Variants in NCOA1 observed in about 807,000 individuals in gnomAD.
NCOA1 encodes the protein Hin-2 protein.
NCOA1 carries 35 observed loss-of-function variants against 150.9 expected under a neutral mutation model. That is an observed-to-expected ratio of 0.23 (90% CI 0.18 to 0.31). The LOEUF is 0.31. NCOA1 is among the 10% of genes least tolerant of loss of function. The pLI, the probability that NCOA1 is intolerant of heterozygous loss-of-function variation, is 1.00. For missense variants in NCOA1, 1,491 were observed against 1,749.3 expected (o/e 0.85, Z 2.63); for synonymous variants, 590 against 630.0 (o/e 0.94, Z 0.95).
At chr2:24,724,090 GTTTTGT>G (rs1221403334) in intron 14 of NCOA1, among the ~76,000 whole-genome samples, 1 of 149,672 alleles carries the variant, frequency 6.7e-6, no homozygotes, top group Non-Finnish European at 1.5e-5. Flanking sequence ...TTTTTGTTTT[GTTTTGT>G]TTTGTTTTGT....
chr2:24,693,434 G>A, intron 10 of NCOA1, 87 bp downstream of exon 10: 1 of 1,181,812 alleles, frequency 8.5e-7, no homozygotes, highest in South Asian at 1.2e-5. Flanking sequence ...ATGTCTTTCT[G>A]TTCTATGAGA....
rs1408245405 is a variant in NCOA1 at position 24,707,914 on chromosome 2, T to A, written c.2418+26T>A. On this transcript the variant is annotated intron_variant, in intron 13 of 22. Coordinates refer to ENST00000348332, the MANE Select transcript of NCOA1 (RefSeq NM_003743.5). ...GTGGGTAACTGCTTGCTTCACAGAA[T>A]GGTCATTCTTAGTAATTTTTTTTTT... 3 of 1,556,128 alleles carry A rather than the reference T, an allele frequency of 1.9e-6. No homozygotes were observed. In the South Asian group the frequency reaches 3.7e-5, roughly 19 times the overall value.
chr2:24,527,091 C>CT (rs987436279), intron 1 of NCOA1, among the ~76,000 whole-genome samples: 4 of 152,086 alleles, frequency 2.6e-5, no homozygotes, highest in Admixed American at 2.0e-4. Flanking sequence ...TGAGGAATGA[C>CT]TATATAGTAA....
chr2:24,711,471 A>C (rs56025929), intron 14 of NCOA1: 165 of 164,322 alleles, frequency 1.0e-3, no homozygotes, highest in Non-Finnish European at 1.4e-3. Context: ...CAGAAATAAA[A>C]GATTCTGTAC....
intron 2 of NCOA1, among the ~76,000 whole-genome samples, chr2:24,565,216 A>G (rs910408323): frequency 1.1e-4 from 17 of 152,260 alleles, no homozygotes; most frequent in African/African-American, 3.9e-4. Flanking sequence ...AACAGAAAGC[A>G]AAAACAAAAA....
intron 1 of NCOA1, among the ~76,000 whole-genome samples, chr2:24,516,931 T>TATATATATAC (rs1558758334): frequency 3.4e-5 from 2 of 59,552 alleles, no homozygotes; most frequent in Non-Finnish European, 4.6e-5. Context: ...TGCGCGCGTG[T>TATATATATAC]GTATATATAT....
chr2:24,614,199 CTTTTTTTTTTTTTTTTTT>C (rs869113477), intron 3 of NCOA1, among the ~76,000 whole-genome samples: 7 of 9,158 alleles, frequency 7.6e-4, no homozygotes, highest in Admixed American at 3.7e-3. Context: ...CATTTCCATT[CTTTTTTTTTTTTTTTTTT>C]TTTTTTTTTT....
intron 7 of NCOA1, among the ~76,000 whole-genome samples, chr2:24,677,098 C>G (rs551877866): frequency 6.6e-6 from 1 of 152,252 alleles, no homozygotes; most frequent in Non-Finnish European, 1.5e-5. Context: ...AATCCCAGCA[C>G]TTTGGGAGGC....
intron 22 of NCOA1, among the ~76,000 whole-genome samples, chr2:24,766,635 A>G (rs1412527799): frequency 1.3e-5 from 2 of 152,126 alleles, no homozygotes; most frequent in South Asian, 2.1e-4. Context: ...CAGGAAGAGA[A>G]CAGAGGAGTG....
At chr2:24,716,193 CA>C (rs1418485287) in intron 14 of NCOA1, among the ~76,000 whole-genome samples, 28 of 135,438 alleles carry the variant, frequency 2.1e-4, no homozygotes, top group South Asian at 9.6e-4. Context: ...TAAAATTTGA[CA>C]AGCTTTTTCT....
intron 15 of NCOA1, 68 bp downstream of exon 15, chr2:24,726,774 C>G: frequency 4.4e-6 from 4 of 901,454 alleles, no homozygotes; most frequent in Non-Finnish European, 6.7e-6. Flanking sequence ...CTATTTTTTC[C>G]AAACTACATT....
intron 1 of NCOA1, among the ~76,000 whole-genome samples, chr2:24,552,673 A>G (rs972760989): frequency 7.9e-5 from 12 of 151,872 alleles, no homozygotes; most frequent in African/African-American, 2.7e-4. Flanking sequence ...CCTGTGCTTT[A>G]TATTTTTGAG....
intron 3 of NCOA1, among the ~76,000 whole-genome samples, chr2:24,604,362 G>A (rs1668262291): frequency 6.6e-6 from 1 of 152,192 alleles, no homozygotes; most frequent in African/African-American, 2.4e-5. Flanking sequence ...GAAGCTGGGT[G>A]TTGGTGTCTC....
At chr2:24,520,330 C>T (rs1435312373) in intron 1 of NCOA1, among the ~76,000 whole-genome samples, 1 of 152,080 alleles carries the variant, frequency 6.6e-6, no homozygotes, top group Admixed American at 6.5e-5. Context: ...ATTTTTAATA[C>T]TCCCAAATTA....
intron 3 of NCOA1, among the ~76,000 whole-genome samples, chr2:24,630,448 T>C (rs555017434): frequency 2.0e-5 from 3 of 152,364 alleles, no homozygotes; most frequent in Non-Finnish European, 4.4e-5. Flanking sequence ...TTCCTATTTT[T>C]TGCTCTTATA....
At chr2:24,603,613 T>C (rs1213633043) in intron 3 of NCOA1, among the ~76,000 whole-genome samples, 4 of 152,242 alleles carry the variant, frequency 2.6e-5, no homozygotes. Flanking sequence ...CTTTGCTTAT[T>C]CATAAGAAGC....
chr2:24,646,820 T>G (rs1233332944), intron 4 of NCOA1, among the ~76,000 whole-genome samples: 6 of 151,806 alleles, frequency 4.0e-5, no homozygotes, highest in African/African-American at 1.4e-4. Flanking sequence ...CTAAGATAAT[T>G]TAGGTGTTAT....
At chr2:24,752,222 G>A in intron 20 of NCOA1, 66 bp downstream of exon 20, 1 of 1,525,530 alleles carries the variant, frequency 6.6e-7, no homozygotes, top group South Asian at 1.2e-5. Context: ...ACTGATAAAT[G>A]CTACAGTGGT....
Position 24,715,356 on chromosome 2 carries a change from G to A in NCOA1, c.2599+4245G>A, listed in dbSNP as rs1673970503. Among the ~76,000 whole-genome samples the A allele has an allele frequency of 2.0e-5, 3 of 152,222 alleles. No individual in the cohort carries two copies. In the South Asian group the frequency reaches 6.2e-4, roughly 32 times the overall value. ...ATATGTAGAAGAAAAATGTATGACA[G>A]TAATAGTACCAAAAATGGGGTAGAA... On this transcript the variant is annotated intron_variant, in intron 14 of 22. Transcript: ENST00000348332.
Sources: allele counts gnomAD v4.1 joint callset (sites outside exome capture counted in the v4.1 genomes callset), GRCh38; gene constraint gnomAD v4.1.1; transcripts MANE v1.5; gene names NCBI Gene and HGNC (gene_info 2026-07-23, HGNC 2026-07-21).